ADGRL2: variants seen among roughly 807,000 people sequenced by gnomAD.
ADGRL2 encodes adhesion G protein-coupled receptor L2, also known as calcium-independent alpha-latrotoxin receptor 2.
A neutral mutation model predicts 157.4 loss-of-function variants in ADGRL2; 44 were observed. The ratio of observed to expected loss-of-function variants is 0.28; its 90% CI spans 0.22 to 0.36. The LOEUF (loss-of-function observed/expected upper bound fraction) is 0.36. Among genes scored for constraint, ADGRL2 ranks in the 10% least tolerant of loss-of-function variants. The pLI is 1.00. For synonymous variants in ADGRL2, 585 were observed against 624.7 expected (o/e 0.94, Z 0.95); for missense variants, 1,510 against 1,768.9 (o/e 0.85, Z 2.63).
At chr1:81,451,120 G>A (rs77894085) in intron 2 of ADGRL2, among the ~76,000 whole-genome samples, 1 of 152,004 alleles carries the variant, frequency 6.6e-6, no homozygotes, top group Non-Finnish European at 1.5e-5. Context: ...AGCCCTCACT[G>A]TCTGGAAGAT....
At chr1:81,673,948 T>A (rs2148926932) in intron 3 of ADGRL2, among the ~76,000 whole-genome samples, 1 of 152,344 alleles carries the variant, frequency 6.6e-6, no homozygotes, top group Non-Finnish European at 1.5e-5. Context: ...GATCCACTTG[T>A]TCATTAAGAT....
intron 1 of ADGRL2, among the ~76,000 whole-genome samples, chr1:81,721,531 C>T (rs534333835): frequency 1.3e-5 from 2 of 152,116 alleles, no homozygotes; most frequent in Non-Finnish European, 2.9e-5. Flanking sequence ...TGAGATGGAA[C>T]GATCTCTTGA....
At chr1:81,533,768 A>G (rs1296770987) in intron 2 of ADGRL2, among the ~76,000 whole-genome samples, 1 of 152,138 alleles carries the variant, frequency 6.6e-6, no homozygotes, top group African/African-American at 2.4e-5. Context: ...TCTGGAAATA[A>G]CTCCATATCC....
At chr1:81,881,753 T>C (rs1275893815) in intron 2 of ADGRL2, among the ~76,000 whole-genome samples, 1 of 152,190 alleles carries the variant, frequency 6.6e-6, no homozygotes, top group East Asian at 1.9e-4. Context: ...TCCTTCCGTG[T>C]ATGGATTGGT....
intron 1 of ADGRL2, among the ~76,000 whole-genome samples, chr1:81,708,770 T>G: frequency 6.6e-6 from 1 of 152,228 alleles, no homozygotes; most frequent in Admixed American, 6.5e-5. Context: ...GATCACATTT[T>G]ATTTATATAC....
Position 81,942,865 on chromosome 1 carries a change from CTAA to C in ADGRL2, c.410-98_410-96del, listed in dbSNP as rs1244419797. The C allele has an allele frequency of 4.8e-6, 4 of 837,982 alleles. No homozygotes were observed. In the Admixed American group the frequency reaches 8.0e-5, roughly 17 times the overall value. The allele number at this position is 837,982 out of a possible 1,614,324, so 51.9% of individuals were successfully genotyped here. On this transcript the variant is annotated intron_variant, in intron 5 of 23. Coordinates refer to ENST00000686636, the MANE Select transcript of ADGRL2 (RefSeq NM_001366006.2). ...GTATACATTTTGGTAAAATTGAATGCTAATAATATGAATTTTTCCCTTTTGATT... is the reference window on the plus strand; with the variant it reads ...GTATACATTTTGGTAAAATTGAATGCTAATATGAATTTTTCCCTTTTGATT...
chr1:81,331,186 C>T (rs761524290), intron 1 of ADGRL2, among the ~76,000 whole-genome samples: 6 of 151,972 alleles, frequency 3.9e-5, no homozygotes, highest in Non-Finnish European at 7.4e-5. Flanking sequence ...ATACTCATAC[C>T]GTGTGTAATT....
intron 1 of ADGRL2, among the ~76,000 whole-genome samples, chr1:81,332,560 T>C (rs1661346702): frequency 1.3e-5 from 2 of 152,178 alleles, no homozygotes; most frequent in Non-Finnish European, 2.9e-5. Flanking sequence ...GGAAATACAA[T>C]TTAATCCCAG....
chr1:81,827,852 A>G (rs1301673678), intron 1 of ADGRL2, among the ~76,000 whole-genome samples: 1 of 152,202 alleles, frequency 6.6e-6, no homozygotes, highest in Non-Finnish European at 1.5e-5. Context: ...GGTGTGAGCC[A>G]CTGCACCTGG....
At chr1:81,543,611 G>A (rs963858379) in intron 2 of ADGRL2, among the ~76,000 whole-genome samples, 3 of 151,832 alleles carry the variant, frequency 2.0e-5, no homozygotes, top group African/African-American at 4.8e-5. Flanking sequence ...AATTAACATC[G>A]CCTTTCACTG....
In ADGRL2 at chr1:81,468,622, G is replaced by A. The variant is rs147218729; in HGVS notation, c.-248+23533G>A. Among the ~76,000 whole-genome samples the A allele has an allele frequency of 5.3e-5, 8 of 152,240 alleles. 1 individual carries two copies. In the East Asian group the frequency reaches 9.7e-4, roughly 18 times the overall value. On this transcript the variant is annotated intron_variant, in intron 2 of 24. Coordinates refer to the ADGRL2 transcript ENST00000370721. ...GAATGGAAGCATTTCTGATAACCTC[G>A]TAAGTTGTTAATGTTTAAAGGATGA...
chr1:81,442,820 T>G (rs2077532439), intron 1 of ADGRL2, among the ~76,000 whole-genome samples: 1 of 152,192 alleles, frequency 6.6e-6, no homozygotes, highest in South Asian at 2.1e-4. Context: ...ATCTACCATT[T>G]TAAGGCCAGG....
chr1:81,973,840 A>T (rs1243043596), intron 17 of ADGRL2, among the ~76,000 whole-genome samples: 1 of 152,168 alleles, frequency 6.6e-6, no homozygotes. Context: ...CCCAACAGAG[A>T]GAAATTAAGA....
chr1:81,695,475 T>G (rs1482364824), upstream of ADGRL2, among the ~76,000 whole-genome samples: 1 of 152,162 alleles, frequency 6.6e-6, no homozygotes, highest in African/African-American at 2.4e-5. Flanking sequence ...ATATTGCTAT[T>G]TCTGTGTCAC....
chr1:81,773,377 A>C (rs529357428), intron 2 of ADGRL2, among the ~76,000 whole-genome samples: 1 of 152,340 alleles, frequency 6.6e-6, no homozygotes, highest in African/African-American at 2.4e-5. Context: ...ACAATGAATT[A>C]ATAATACCTT....
At chr1:81,344,500 A>C (rs1234592286) in intron 1 of ADGRL2, among the ~76,000 whole-genome samples, 1 of 151,968 alleles carries the variant, frequency 6.6e-6, no homozygotes, top group Non-Finnish European at 1.5e-5. Context: ...AACATGGAGA[A>C]ACCCCATCTC....
chr1:81,668,217 G>C (rs2082792121), intron 3 of ADGRL2, among the ~76,000 whole-genome samples: 1 of 152,048 alleles, frequency 6.6e-6, no homozygotes, highest in African/African-American at 2.4e-5. Flanking sequence ...ACGAGGTCAG[G>C]AGTTCGAGAC....
chr1:81,910,531 A>G (rs1482813211), intron 3 of ADGRL2, among the ~76,000 whole-genome samples: 1 of 151,684 alleles, frequency 6.6e-6, no homozygotes, highest in Non-Finnish European at 1.5e-5. Context: ...TCTTAACTGG[A>G]CTGTTGCCTT....
chr1:81,525,488 G>T (rs557404126), intron 2 of ADGRL2, among the ~76,000 whole-genome samples: 10 of 151,974 alleles, frequency 6.6e-5, no homozygotes, highest in Non-Finnish European at 1.2e-4. Context: ...CAGATAATTT[G>T]TGTATTTCTA....
Sources: gnomAD v4.1 joint callset for allele counts (sites outside exome capture counted in the v4.1 genomes callset) on GRCh38, gnomAD v4.1.1 for gene constraint, MANE v1.5 for transcripts, NCBI Gene and HGNC (gene_info 2026-07-23, HGNC 2026-07-21) for gene names.